PDSS2: variants seen among roughly 807,000 people sequenced by gnomAD.
PDSS2 encodes the protein all trans-polyprenyl-diphosphate synthase PDSS2.
A neutral mutation model predicts 44.5 loss-of-function variants in PDSS2; 31 were observed. That is an observed-to-expected ratio of 0.70 (90% CI 0.52 to 0.94). The LOEUF (loss-of-function observed/expected upper bound fraction) is 0.94. PDSS2 is among the 40% of genes least tolerant of loss of function. PDSS2 has a pLI of 0.00. For synonymous variants in PDSS2, 157 were observed against 180.3 expected (o/e 0.87, Z 1.03); for missense variants, 452 against 482.2 (o/e 0.94, Z 0.59).
chr6:107,361,137 T>C (rs1778760995), intron 1 of PDSS2, among the ~76,000 whole-genome samples: 1 of 152,210 alleles, frequency 6.6e-6, no homozygotes, highest in African/African-American at 2.4e-5. Flanking sequence ...AAATGGTGTC[T>C]CATATTTTAA....
chr6:107,404,021 T>A (rs1780230399), intron 1 of PDSS2, among the ~76,000 whole-genome samples: 2 of 152,196 alleles, frequency 1.3e-5, no homozygotes, highest in Admixed American at 1.3e-4. Context: ...TGCAATTTTT[T>A]CAAACTTTTA....
chr6:107,232,411 G>C (rs985530025), intron 4 of PDSS2, among the ~76,000 whole-genome samples: 3 of 152,168 alleles, frequency 2.0e-5, no homozygotes, highest in East Asian at 3.9e-4. Context: ...TCCTTCCTCA[G>C]GCCTTTGCTG....
chr6:107,171,556 G>A (rs1771577349), intron 7 of PDSS2, among the ~76,000 whole-genome samples: 1 of 151,788 alleles, frequency 6.6e-6, no homozygotes. Flanking sequence ...CCATCACCTA[G>A]GCTGGAGTGC....
At chr6:107,275,458 C>T (rs1166293247) in intron 2 of PDSS2, among the ~76,000 whole-genome samples, 1 of 152,028 alleles carries the variant, frequency 6.6e-6, no homozygotes, top group African/African-American at 2.4e-5. Context: ...TGCATGATCC[C>T]CTTCCATGCC....
intron 1 of PDSS2, among the ~76,000 whole-genome samples, chr6:107,413,317 A>G (rs913780509): frequency 2.6e-5 from 4 of 152,168 alleles, no homozygotes; most frequent in African/African-American, 7.2e-5. Context: ...CCAAGGTGAG[A>G]GGATTGTTGA....
At chr6:107,285,032 C>T (rs918636593) in intron 2 of PDSS2, among the ~76,000 whole-genome samples, 2 of 152,184 alleles carry the variant, frequency 1.3e-5, no homozygotes, top group African/African-American at 2.4e-5. Context: ...TAGTTAACTG[C>T]AAAGCTGGAT....
At chr6:107,210,993 CAAAA>C (rs11345405) in intron 5 of PDSS2, among the ~76,000 whole-genome samples, 1 of 105,738 alleles carries the variant, frequency 9.5e-6, no homozygotes. Context: ...AACTCCGTCT[CAAAA>C]AAAAAAAAAA....
chr6:107,417,320 T>C (rs1383117982), intron 1 of PDSS2, among the ~76,000 whole-genome samples: 2 of 152,238 alleles, frequency 1.3e-5, no homozygotes, highest in African/African-American at 2.4e-5. Context: ...GGCAAAGATA[T>C]AGTGATACTA....
intron 2 of PDSS2, among the ~76,000 whole-genome samples, chr6:107,320,677 G>C (rs1013680909): frequency 6.6e-6 from 1 of 152,104 alleles, no homozygotes; most frequent in African/African-American, 2.4e-5. Context: ...AAACATAAAC[G>C]TTTTTATTTT....
At chr6:107,209,402 C>T (rs1198927103) in intron 6 of PDSS2, among the ~76,000 whole-genome samples, 1 of 152,048 alleles carries the variant, frequency 6.6e-6, no homozygotes, top group African/African-American at 2.4e-5. Flanking sequence ...ATCTGCAAGG[C>T]TTTTTCTCCT....
intron 7 of PDSS2, among the ~76,000 whole-genome samples, chr6:107,177,999 A>G (rs1460802281): frequency 6.6e-6 from 1 of 152,124 alleles, no homozygotes; most frequent in Non-Finnish European, 1.5e-5. Flanking sequence ...TTGAATCCCT[A>G]TCTTACTTAT....
intron 7 of PDSS2, among the ~76,000 whole-genome samples, chr6:107,182,183 G>GA (rs1772007420): frequency 6.6e-6 from 1 of 152,094 alleles, no homozygotes; most frequent in African/African-American, 2.4e-5. Flanking sequence ...GAGTTAAGGA[G>GA]AAAAAAGACT....
chr6:107,435,428 A>C (rs1392945729), intron 1 of PDSS2, among the ~76,000 whole-genome samples: 1 of 152,168 alleles, frequency 6.6e-6, no homozygotes, highest in Admixed American at 6.5e-5. Flanking sequence ...GTCACTACAG[A>C]ATAAAAAGTA....
intron 6 of PDSS2, among the ~76,000 whole-genome samples, chr6:107,208,357 C>T (rs766196988): frequency 7.6e-6 from 1 of 132,152 alleles, no homozygotes; most frequent in Non-Finnish European, 1.5e-5. Flanking sequence ...AGTGCAGTGG[C>T]TCCATCTTGG....
intron 6 of PDSS2, among the ~76,000 whole-genome samples, chr6:107,201,506 T>C (rs1018069536): frequency 2.0e-5 from 3 of 151,924 alleles, no homozygotes; most frequent in Non-Finnish European, 4.4e-5. Context: ...AGATTCCCTG[T>C]TGGTAAGTAA....
At chr6:107,299,114 T>C (rs1582909817) in intron 2 of PDSS2, among the ~76,000 whole-genome samples, 1 of 113,220 alleles carries the variant, frequency 8.8e-6, no homozygotes, top group Non-Finnish European at 1.6e-5. Context: ...ATCACTACAC[T>C]CCAGTCTGGG....
rs1312445768 is a variant in PDSS2, at chr6:107,356,376, C to G, written c.297-22044G>C. Among the ~76,000 whole-genome samples, 3 of 152,278 alleles carry G rather than the reference C, an allele frequency of 2.0e-5. No homozygotes were observed. The East Asian group carries it at 5.8e-4, about 29-fold the overall frequency. ...CACATTATTTCATGGACATCATACTCTCTTTTACAAAAATGACCTTAAAAC... is the reference window on the plus strand; with the variant it reads ...CACATTATTTCATGGACATCATACTGTCTTTTACAAAAATGACCTTAAAAC... On this transcript the variant is annotated intron_variant, in intron 1 of 7. Transcript: ENST00000369037.
At chr6:107,222,652 C>CAA (rs567984860) in intron 4 of PDSS2, among the ~76,000 whole-genome samples, 6 of 53,520 alleles carry the variant, frequency 1.1e-4, no homozygotes, top group African/African-American at 1.3e-4. Context: ...AAGACTGTCT[C>CAA]AAAAAAAAAA....
intron 2 of PDSS2, among the ~76,000 whole-genome samples, chr6:107,323,462 C>A (rs539495269): frequency 6.6e-6 from 1 of 152,062 alleles, no homozygotes; most frequent in Admixed American, 6.6e-5. Context: ...CCCATCATTG[C>A]CCCTGCTGTA....
Sources: allele counts gnomAD v4.1 joint callset (sites outside exome capture counted in the v4.1 genomes callset), GRCh38; gene constraint gnomAD v4.1.1; transcripts MANE v1.5; gene names NCBI Gene and HGNC (gene_info 2026-07-23, HGNC 2026-07-21).